CCDC178: variants seen among roughly 807,000 people sequenced by gnomAD.
CCDC178 encodes the protein coiled-coil domain-containing protein 178.
A neutral mutation model predicts 117.4 loss-of-function variants in CCDC178; 126 were observed. The ratio of observed to expected loss-of-function variants is 1.07; its 90% CI spans 0.93 to 1.24. The LOEUF (loss-of-function observed/expected upper bound fraction) is 1.24, where lower values mean the gene tolerates loss of function less well. Ranked by LOEUF, CCDC178 falls within the 50% of genes most tolerant of loss-of-function variation. CCDC178 has a pLI of 0.00. For missense variants in CCDC178, 1,030 were observed against 986.9 expected, an observed-to-expected ratio of 1.04 and a Z score of -0.59; for synonymous variants, 283 against 313.4, an observed-to-expected ratio of 0.90 and a Z score of 1.02.
At chr18:32,955,591 A>G (rs569401292) in intron 22 of CCDC178, among the ~76,000 whole-genome samples, 32 of 152,238 alleles carry the variant, frequency 2.1e-4, no homozygotes, top group East Asian at 1.2e-3. Flanking sequence ...ATATTTGATA[A>G]GTATTTATTA....
At chr18:32,940,649 AT>A (rs1013695844) in intron 22 of CCDC178, among the ~76,000 whole-genome samples, 48 of 151,912 alleles carry the variant, frequency 3.2e-4, no homozygotes, top group African/African-American at 1.1e-3. Context: ...CCCAATAGTT[AT>A]TTTTCCCGCT....
intron 21 of CCDC178, among the ~76,000 whole-genome samples, chr18:33,073,199 C>T (rs551789454): frequency 6.6e-6 from 1 of 151,570 alleles, no homozygotes; most frequent in Non-Finnish European, 1.5e-5. Flanking sequence ...AAATCATTTG[C>T]AGCCTGAGTA....
chr18:33,157,788 T>C (rs2058418600), intron 20 of CCDC178, among the ~76,000 whole-genome samples: 1 of 152,132 alleles, frequency 6.6e-6, no homozygotes, highest in Non-Finnish European at 1.5e-5. Context: ...GATTGATTAC[T>C]TCTATATTAT....
chr18:33,206,256 T>C (rs984378840), intron 20 of CCDC178, among the ~76,000 whole-genome samples: 14 of 152,146 alleles, frequency 9.2e-5, no homozygotes, highest in Non-Finnish European at 2.1e-4. Context: ...AGAGAATACT[T>C]GATCATTTGA....
intron 20 of CCDC178, among the ~76,000 whole-genome samples, chr18:33,104,643 G>A (rs1295730051): frequency 6.6e-6 from 1 of 151,614 alleles, no homozygotes; most frequent in African/African-American, 2.4e-5. Flanking sequence ...AAATCTCTGG[G>A]GAAATATTGA....
intron 11 of CCDC178, among the ~76,000 whole-genome samples, chr18:33,310,808 A>T (rs2062331172): frequency 6.6e-6 from 1 of 152,208 alleles, no homozygotes; most frequent in South Asian, 2.1e-4. Flanking sequence ...TCTGTTAAGA[A>T]TATTTGACAT....
intron 20 of CCDC178, among the ~76,000 whole-genome samples, chr18:33,103,481 T>TA (rs1281451660): frequency 1.3e-5 from 2 of 150,888 alleles, no homozygotes; most frequent in African/African-American, 4.9e-5. Flanking sequence ...GGCCTAAGCA[T>TA]AAAAAAACAT....
intron 21 of CCDC178, among the ~76,000 whole-genome samples, chr18:33,025,435 ACT>A (rs1230916645): frequency 2.6e-5 from 4 of 152,160 alleles, no homozygotes; most frequent in African/African-American, 9.6e-5. Context: ...TCTGTGAAAG[ACT>A]CTGTTAAGAG....
intron 12 of CCDC178, among the ~76,000 whole-genome samples, chr18:33,275,775 C>G (rs889145162): frequency 3.3e-5 from 5 of 151,112 alleles, no homozygotes; most frequent in African/African-American, 9.7e-5. Flanking sequence ...GTTTTTTCTG[C>G]CAGCTTTGCA....
intron 22 of CCDC178, among the ~76,000 whole-genome samples, chr18:32,960,044 A>T (rs890494713): frequency 2.0e-5 from 3 of 152,118 alleles, no homozygotes; most frequent in African/African-American, 7.2e-5. Context: ...GAATAAAAAG[A>T]GTAGATAATT....
At chr18:33,178,393 C>A (rs1351603322) in intron 20 of CCDC178, among the ~76,000 whole-genome samples, 2 of 152,126 alleles carry the variant, frequency 1.3e-5, no homozygotes, top group Non-Finnish European at 2.9e-5. Flanking sequence ...TGAAATATTA[C>A]TTTAAGCCTG....
chr18:33,106,308 A>C (rs1041266633), intron 20 of CCDC178, among the ~76,000 whole-genome samples: 1 of 151,682 alleles, frequency 6.6e-6, no homozygotes, highest in Non-Finnish European at 1.5e-5. Flanking sequence ...AAAATAAAGA[A>C]AGGAAGGAAG....
chr18:33,184,562 G>A (rs189606061), intron 20 of CCDC178, among the ~76,000 whole-genome samples: 62 of 152,094 alleles, frequency 4.1e-4, no homozygotes, highest in Non-Finnish European at 6.8e-4. Context: ...ACCAGAAAAC[G>A]AAGAACCTAG....
chr18:33,011,543 C>T (rs1192709095), intron 21 of CCDC178, among the ~76,000 whole-genome samples: 8 of 151,796 alleles, frequency 5.3e-5, no homozygotes, highest in African/African-American at 1.5e-4. Context: ...GCTCCCACAC[C>T]GTCCAGGCGA....
At chr18:33,238,133 A>G (rs185673129) in intron 15 of CCDC178, among the ~76,000 whole-genome samples, 1 of 152,298 alleles carries the variant, frequency 6.6e-6, no homozygotes, top group Non-Finnish European at 1.5e-5. Flanking sequence ...CTGATACCCC[A>G]AGACTCATCA....
At chr18:33,399,493 C>T (rs1293910154) in intron 3 of CCDC178, among the ~76,000 whole-genome samples, 3 of 152,148 alleles carry the variant, frequency 2.0e-5, no homozygotes, top group Non-Finnish European at 2.9e-5. Context: ...GTTAATTTGC[C>T]AATTATGTTT....
At chr18:33,154,887 T>A (rs1195215902) in intron 20 of CCDC178, among the ~76,000 whole-genome samples, 1 of 152,078 alleles carries the variant, frequency 6.6e-6, no homozygotes, top group Non-Finnish European at 1.5e-5. Context: ...TCAATACACA[T>A]GGAGCAAAAG....
chr18:32,989,548 A>G (rs1401425173), intron 21 of CCDC178, among the ~76,000 whole-genome samples: 1 of 152,188 alleles, frequency 6.6e-6, no homozygotes, highest in Non-Finnish European at 1.5e-5. Flanking sequence ...AACTTTATTG[A>G]TTTAGCTTGA....
At chr18:33,227,532 A>ATG (rs750171342) in intron 15 of CCDC178, among the ~76,000 whole-genome samples, 111 of 121,650 alleles carry the variant, frequency 9.1e-4, no homozygotes, top group East Asian at 6.9e-3. Context: ...AGATATATGT[A>ATG]TGTGTGTGTG....
Sources: gnomAD v4.1 joint callset for allele counts (sites outside exome capture counted in the v4.1 genomes callset) on GRCh38, gnomAD v4.1.1 for gene constraint, MANE v1.5 for transcripts, NCBI Gene and HGNC (gene_info 2026-07-23, HGNC 2026-07-21) for gene names.